Variants in TDRP observed in about 807,000 individuals in gnomAD.
TDRP encodes the protein testis development-related protein.
TDRP carries 12 observed loss-of-function variants against 10.5 expected under a neutral mutation model. The ratio of observed to expected loss-of-function variants is 1.15; its 90% CI spans 0.73 to 1.86. The LOEUF is 1.86. Among genes scored for constraint, TDRP ranks in the 40% most tolerant of loss-of-function variants. TDRP has a pLI of 0.00. For synonymous variants in TDRP, 139 were observed against 95.4 expected (o/e 1.46, Z -2.67); for missense variants, 353 against 229.2 (o/e 1.54, Z -3.49).
intron 1 of TDRP, among the ~76,000 whole-genome samples, chr8:533,136 A>G (rs1802250422): frequency 6.6e-6 from 1 of 152,120 alleles, no homozygotes; most frequent in African/African-American, 2.4e-5. Context: ...CCTGGTCTCA[A>G]CCACTCAACA....
chr8:509,645 G>T (rs1278148417), intron 1 of TDRP, among the ~76,000 whole-genome samples: 2 of 152,132 alleles, frequency 1.3e-5, no homozygotes, highest in African/African-American at 4.8e-5. Flanking sequence ...GGGCCTCCAG[G>T]CCTGTGATGG....
intron 1 of TDRP, among the ~76,000 whole-genome samples, chr8:511,707 TG>T: frequency 6.6e-6 from 1 of 152,354 alleles, no homozygotes; most frequent in Admixed American, 6.5e-5. Context: ...AAAACAAACC[TG>T]GATATATTTA....
intron 1 of TDRP, among the ~76,000 whole-genome samples, chr8:521,441 C>T (rs1303313472): frequency 1.3e-5 from 2 of 151,950 alleles, no homozygotes; most frequent in Non-Finnish European, 2.9e-5. Context: ...GATACAACTT[C>T]ATTTTTTGCA....
At chr8:518,493 C>T (rs1801814103) in intron 1 of TDRP, among the ~76,000 whole-genome samples, 1 of 151,948 alleles carries the variant, frequency 6.6e-6, no homozygotes, top group Non-Finnish European at 1.5e-5. Context: ...ATGGAAAACC[C>T]AACAAACCCA....
At chr8:506,611 C>T (rs558316335) in intron 1 of TDRP, among the ~76,000 whole-genome samples, 2 of 152,322 alleles carry the variant, frequency 1.3e-5, no homozygotes, top group African/African-American at 4.8e-5. Flanking sequence ...ACGGTTCCAC[C>T]CCAGGAGAAG....
Position 491,900 on chromosome 8 carries a change from CAA to C in TDRP, c.*497_*498del. The C allele has an allele frequency of 8.6e-7, 1 of 1,162,572 alleles. No individual in the cohort carries two copies. The highest frequency in any genetic ancestry group is 1.1e-6 in the Non-Finnish European group (1 of 944,808). The allele number at this position is 1,162,572 out of a possible 1,614,324, so 72.0% of individuals were successfully genotyped here. The stretch of plus-strand genomic sequence containing the variant: ...TGTTTACGTATTTGTTTAATAAGAA[CAA>C]AGTTTAATTTGTCAAGTTAAACAAA... On this transcript the variant is annotated 3_prime_UTR_variant, in exon 3 of 3. Coordinates refer to ENST00000324079, the MANE Select transcript of TDRP (RefSeq NM_001384899.1).
rs371840615 is a variant in TDRP at position 516,834 on chromosome 8, G to C, written c.109-22237C>G. ...TGGATGTTTATGGCAGCTTTATTCG[G>C]AAATGCTAGAACTTGGAAGCAACCA... On this transcript the variant is annotated intron_variant, in intron 1 of 2. Transcript: ENST00000324079. Among the ~76,000 whole-genome samples, 137 of 152,298 alleles carry C rather than the reference G, an allele frequency of 9.0e-4. 1 individual carries two copies. The highest frequency in any genetic ancestry group is 3.1e-3 in the African/African-American group (127 of 41,558).
upstream of TDRP, among the ~76,000 whole-genome samples, chr8:545,239 C>A (rs1280866933): frequency 1.5e-5 from 2 of 133,846 alleles, no homozygotes; most frequent in Non-Finnish European, 3.2e-5. Context: ...CCTGGTCCCC[C>A]CACCTTGACC....
chr8:530,447 T>A (rs1802160775), intron 1 of TDRP, among the ~76,000 whole-genome samples: 1 of 152,142 alleles, frequency 6.6e-6, no homozygotes, highest in Non-Finnish European at 1.5e-5. Flanking sequence ...GGATTTGGGG[T>A]ATCTGAAAAA....
At chr8:504,919 C>CCCTTATGAGCCATATTTGATACA (rs1406219792) in intron 1 of TDRP, among the ~76,000 whole-genome samples, 1 of 152,052 alleles carries the variant, frequency 6.6e-6, no homozygotes, top group East Asian at 1.9e-4. Context: ...TACCTATGTC[C>CCCTTATGAGCCATATTTGATACA]TTTTTAAGAT....
intron 1 of TDRP, among the ~76,000 whole-genome samples, chr8:522,378 G>C (rs780849022): frequency 2.0e-5 from 3 of 152,166 alleles, no homozygotes; most frequent in Non-Finnish European, 2.9e-5. Flanking sequence ...GAAAGGGCTG[G>C]AGTCCTTTAA....
chr8:525,599 T>C (rs996014330), intron 1 of TDRP, among the ~76,000 whole-genome samples: 2 of 152,208 alleles, frequency 1.3e-5, no homozygotes, highest in African/African-American at 2.4e-5. Context: ...CGTTTTTTAA[T>C]GCAATAAGTG....
At chr8:505,768 T>C (rs1801443797) in intron 1 of TDRP, among the ~76,000 whole-genome samples, 1 of 152,212 alleles carries the variant, frequency 6.6e-6, no homozygotes, top group Non-Finnish European at 1.5e-5. Flanking sequence ...TGAGCTGCTG[T>C]GTAAACACCC....
At chr8:531,299 G>C (rs1802189197) in intron 1 of TDRP, among the ~76,000 whole-genome samples, 1 of 152,146 alleles carries the variant, frequency 6.6e-6, no homozygotes, top group Non-Finnish European at 1.5e-5. Context: ...GTCAGTCAGA[G>C]TCCGTGGGGG....
rs114789539 is a variant in TDRP, at chr8:491,545, A to G, written c.*854T>C. 3,148 of 1,427,098 alleles carry G rather than the reference A, an allele frequency of 2.2e-3. 50 individuals are homozygous for G. In the African/African-American group the frequency reaches 0.037, roughly 17 times the overall value. The allele number at this position is 1,427,098 out of a possible 1,614,324, so 88.4% of individuals were successfully genotyped here. On this transcript the variant is annotated 3_prime_UTR_variant, in exon 3 of 3. Transcript: ENST00000324079. Reference sequence around the variant, plus strand: ...GGCATCTCGCTTTGCAAGAACAAACATATGAGCCTAATAAAAAAGAGGCAC... The same window carrying G: ...GGCATCTCGCTTTGCAAGAACAAACGTATGAGCCTAATAAAAAAGAGGCAC...
chr8:518,674 TA>T (rs559670157), intron 1 of TDRP, among the ~76,000 whole-genome samples: 274 of 151,984 alleles, frequency 1.8e-3, no homozygotes, highest in African/African-American at 6.3e-3. Flanking sequence ...ATAAAGGAAC[TA>T]AAAGAATCTG....
At chr8:497,432 C>T (rs774907502) in intron 1 of TDRP, among the ~76,000 whole-genome samples, 7 of 152,156 alleles carry the variant, frequency 4.6e-5, no homozygotes, top group Non-Finnish European at 1.0e-4. Context: ...GGATATCTGG[C>T]AGAAGAAATT....
chr8:509,220 G>C (rs766442556), intron 1 of TDRP, among the ~76,000 whole-genome samples: 1 of 152,136 alleles, frequency 6.6e-6, no homozygotes, highest in African/African-American at 2.4e-5. Flanking sequence ...CTACCATTCT[G>C]GGATCTGAGG....
chr8:511,742 C>T (rs1801625118), intron 1 of TDRP, among the ~76,000 whole-genome samples: 1 of 152,180 alleles, frequency 6.6e-6, no homozygotes, highest in Non-Finnish European at 1.5e-5. Context: ...ATTCAAAGTC[C>T]TTTCTTTGAC....
Sources: gnomAD v4.1 joint callset for allele counts (sites outside exome capture counted in the v4.1 genomes callset) on GRCh38, gnomAD v4.1.1 for gene constraint, MANE v1.5 for transcripts, NCBI Gene and HGNC (gene_info 2026-07-23, HGNC 2026-07-21) for gene names.